Variants in NEDD4 observed in about 807,000 individuals in gnomAD.
The protein encoded by NEDD4 is NEDD4 E3 ubiquitin protein ligase.
Under a neutral mutation model 144.9 loss-of-function variants are expected in NEDD4, and 99 were observed. That is an observed-to-expected ratio of 0.68 (90% CI 0.58 to 0.81). The LOEUF (loss-of-function observed/expected upper bound fraction) is 0.81. Among genes scored for constraint, NEDD4 ranks in the 30% least tolerant of loss-of-function variants. The pLI is 0.00. For missense variants in NEDD4, 985 were observed against 1,065.9 expected (o/e 0.92, Z 1.06); for synonymous variants, 318 against 350.6 (o/e 0.91, Z 1.04).
chr15:55,887,600 CAG>C (rs2035435141), intron 5 of NEDD4, among the ~76,000 whole-genome samples: 1 of 152,068 alleles, frequency 6.6e-6, no homozygotes, highest in African/African-American at 2.4e-5. Context: ...TTCTGAAAAA[CAG>C]AGGAGGAGGG....
chr15:55,910,822 C>T (rs2036248171), intron 5 of NEDD4, among the ~76,000 whole-genome samples: 1 of 152,152 alleles, frequency 6.6e-6, no homozygotes, highest in Admixed American at 6.5e-5. Context: ...ACCCAGTCAT[C>T]CAAGTTAGGA....
chr15:55,917,059 G>C (rs570905189), intron 5 of NEDD4: 1 of 1,265,848 alleles, frequency 7.9e-7, no homozygotes, highest in East Asian at 3.0e-5. Context: ...GTCTTGAATC[G>C]CTTGTAGTCA....
At chr15:55,882,288 T>A (rs1278843447) in intron 5 of NEDD4, among the ~76,000 whole-genome samples, 2 of 152,172 alleles carry the variant, frequency 1.3e-5, no homozygotes, top group African/African-American at 4.8e-5. Flanking sequence ...GGAAAGACAG[T>A]CTTCAGTTGC....
intron 4 of NEDD4, among the ~76,000 whole-genome samples, chr15:55,927,276 A>G (rs1425188539): frequency 2.0e-5 from 3 of 152,006 alleles, no homozygotes; most frequent in African/African-American, 7.2e-5. Flanking sequence ...GGGCAGAATG[A>G]GCGTGCTCTA....
chr15:55,984,747 C>T (rs1269738630), intron 1 of NEDD4, among the ~76,000 whole-genome samples: 1 of 152,214 alleles, frequency 6.6e-6, no homozygotes, highest in South Asian at 2.1e-4. Flanking sequence ...CTCCAGACTT[C>T]TCCTATCCCC....
At chr15:55,832,944 G>T in intron 27 of NEDD4, 64 bp downstream of exon 27, 1 of 1,085,836 alleles carries the variant, frequency 9.2e-7, no homozygotes, top group Non-Finnish European at 1.4e-6. Context: ...TTGCGGATTC[G>T]TCAGCCATGA....
chr15:55,918,778 T>C (rs979722228), intron 5 of NEDD4, among the ~76,000 whole-genome samples: 2 of 152,222 alleles, frequency 1.3e-5, no homozygotes, highest in African/African-American at 4.8e-5. Context: ...ATTTTTGCTT[T>C]TGTATAAACC....
At chr15:55,923,411 T>C (rs1170895292) in intron 5 of NEDD4, among the ~76,000 whole-genome samples, 2 of 150,906 alleles carry the variant, frequency 1.3e-5, no homozygotes, top group East Asian at 4.0e-4. Flanking sequence ...ACTTTGGGAG[T>C]CAGAGGCAGG....
intron 5 of NEDD4, among the ~76,000 whole-genome samples, chr15:55,894,306 T>C (rs1223096485): frequency 6.6e-6 from 1 of 152,226 alleles, no homozygotes; most frequent in Non-Finnish European, 1.5e-5. Context: ...ACATAGTGTT[T>C]ACACTGTATT....
chr15:55,874,584 C>T (rs988165387), intron 5 of NEDD4, among the ~76,000 whole-genome samples: 1 of 152,174 alleles, frequency 6.6e-6, no homozygotes, highest in East Asian at 1.9e-4. Flanking sequence ...AAGTGAAAAT[C>T]AACAGATGGA....
At chr15:55,927,759 C>CAG (rs1280334492) in intron 4 of NEDD4, among the ~76,000 whole-genome samples, 1 of 152,142 alleles carries the variant, frequency 6.6e-6, no homozygotes, top group Non-Finnish European at 1.5e-5. Flanking sequence ...GGACTGGAGA[C>CAG]AGACCCTGGT....
rs565779244 is a variant in NEDD4, at chr15:55,842,293, G to A, written c.1609-130C>T. 3.0e-4 allele frequency: 211 copies of A among 711,148 alleles called. No homozygotes were observed. The African/African-American group carries it at 3.6e-3, about 12-fold the overall frequency. The allele number at this position is 711,148 out of a possible 1,614,324, so 44.1% of individuals were successfully genotyped here. On this transcript the variant is annotated intron_variant, in intron 18 of 28. Coordinates refer to ENST00000435532, the MANE Select transcript of NEDD4 (RefSeq NM_006154.4). ...TCTTTTTCCTTACGTAATATACTCAGGGAAAACACAACTAGGTATATTGTC... is the reference window on the plus strand; with the variant it reads ...TCTTTTTCCTTACGTAATATACTCAAGGAAAACACAACTAGGTATATTGTC...
At chr15:55,830,261 C>T (rs923674545) in intron 28 of NEDD4, among the ~76,000 whole-genome samples, 2 of 152,198 alleles carry the variant, frequency 1.3e-5, no homozygotes, top group African/African-American at 4.8e-5. Context: ...AATGTTCTAG[C>T]CTGTCTTGGG....
chr15:55,986,751 G>A lies in NEDD4; in HGVS notation c.45+6760C>T, dbSNP rs531593533. Among the ~76,000 whole-genome samples the A allele has an allele frequency of 4.3e-3, 426 of 100,200 alleles. 2 individuals are homozygous for A. Among genetic ancestry groups the A allele is most frequent in the African/African-American group, 0.021 (412 of 19,450 alleles). 65.7% of individuals were successfully genotyped at this position (100,200 alleles called of 152,430 possible). ...ACTACAGGCACCCACCACCACACCC[G>A]GCTAATTTTTTTTTTTTGTATTTTT... On this transcript the variant is annotated intron_variant, in intron 1 of 28. Coordinates refer to ENST00000435532, the MANE Select transcript of NEDD4 (RefSeq NM_006154.4).
At position 55,845,668 on chromosome 15, in the gene NEDD4, G is replaced by A. The variant is rs184999709; in HGVS notation, c.1608+1301C>T. Among the ~76,000 whole-genome samples the A allele has an allele frequency of 2.2e-4, 34 of 151,932 alleles. No individual in the cohort carries two copies. The East Asian group carries it at 3.3e-3, about 15-fold the overall frequency. On this transcript the variant is annotated intron_variant, in intron 18 of 28. Coordinates refer to ENST00000435532, the MANE Select transcript of NEDD4 (RefSeq NM_006154.4). ...AAGCTAGTGCTTCTATTCCTCCAGC[G>A]TATTCTCATTAACAATGAAAATATT...
intron 5 of NEDD4, among the ~76,000 whole-genome samples, chr15:55,911,360 G>T (rs2036266840): frequency 6.6e-6 from 1 of 151,962 alleles, no homozygotes; most frequent in African/African-American, 2.4e-5. Flanking sequence ...GAATCTCTTT[G>T]ATTTCTCTGC....
Position 55,874,114 on chromosome 15 carries a change from T to TA in NEDD4, c.292-107dup, listed in dbSNP as rs1267792937. On this transcript the variant is annotated intron_variant, in intron 5 of 28. Transcript: ENST00000435532. ...CACAGAAAATGTAGAGTTTTTTTTT[T>TA]ATTCAGTCATATGCAGCATCAATGG... is the stretch of plus-strand genomic sequence containing the variant. 34 of 578,188 alleles carry TA rather than the reference T, an allele frequency of 5.9e-5. No homozygotes were observed. The African/African-American group carries it at 6.2e-4, about 11-fold the overall frequency. 35.8% of individuals were successfully genotyped at this position (578,188 alleles called of 1,614,324 possible).
intron 23 of NEDD4, 71 bp downstream of exon 23, chr15:55,838,036 G>T: frequency 9.8e-7 from 1 of 1,018,078 alleles, no homozygotes; most frequent in Non-Finnish European, 1.5e-6. Flanking sequence ...AGAGAAAGAT[G>T]GTAAGAAGAG....
intron 1 of NEDD4, among the ~76,000 whole-genome samples, chr15:55,971,759 G>A (rs1382159379): frequency 6.6e-6 from 1 of 152,084 alleles, no homozygotes; most frequent in Non-Finnish European, 1.5e-5. Context: ...GCACAGAAAG[G>A]TTATAGAATA....
Sources: gnomAD v4.1 joint callset for allele counts (sites outside exome capture counted in the v4.1 genomes callset) on GRCh38, gnomAD v4.1.1 for gene constraint, MANE v1.5 for transcripts, NCBI Gene and HGNC (gene_info 2026-07-23, HGNC 2026-07-21) for gene names.